ZNF518A: variants seen among roughly 807,000 people sequenced by gnomAD.
ZNF518A encodes the protein zinc finger protein 518A.
ZNF518A carries 47 observed loss-of-function variants against 102.7 expected under a neutral mutation model. The observed-to-expected ratio is 0.46, with a 90% CI of 0.36 to 0.58. The LOEUF is 0.58. Among genes scored for constraint, ZNF518A ranks in the 20% least tolerant of loss-of-function variants. The pLI, the probability that ZNF518A is intolerant of heterozygous loss-of-function variation, is 0.00. For missense variants in ZNF518A, 1,793 were observed against 1,699.8 expected (o/e 1.05, Z -0.96); for synonymous variants, 652 against 594.6 (o/e 1.10, Z -1.40).
At chr10:96,190,171 T>G in intron 1 of ZNF518A, 1 of 850,348 alleles carries the variant, frequency 1.2e-6, no homozygotes, top group Non-Finnish European at 2.0e-6. Context: ...ACTGAAAAGA[T>G]AGTTCTGGGC....
rs1022832852 is a variant in ZNF518A at position 96,188,388 on chromosome 10, C to A, written n.36-15186C>A. On this transcript the variant is annotated intron_variant and non_coding_transcript_variant, in intron 1 of 2. Coordinates refer to the ZNF518A transcript ENST00000442635. ...TCCACCACGCAGTACTGTATGTCAA[C>A]CAACTGAGGATTAGTATAATCTTAA... 3.9e-5 allele frequency among the ~76,000 whole-genome samples: 6 copies of A among 152,294 alleles called. No individual in the cohort carries two copies. The East Asian group carries it at 1.2e-3, about 29-fold the overall frequency.
chr10:96,152,037 CG>C (rs2082473622), intron 3 of ZNF518A, among the ~76,000 whole-genome samples: 1 of 152,214 alleles, frequency 6.6e-6, no homozygotes, highest in African/African-American at 2.4e-5. Flanking sequence ...CTGGGCTGGA[CG>C]TTGTGGCACA....
downstream of ZNF518A, among the ~76,000 whole-genome samples, chr10:96,168,019 T>C (rs1302469578): frequency 6.6e-6 from 1 of 152,256 alleles, no homozygotes; most frequent in Admixed American, 6.5e-5. Flanking sequence ...ATGCTGTTAT[T>C]GTCACAAACT....
intron 1 of ZNF518A, among the ~76,000 whole-genome samples, chr10:96,181,896 G>T (rs2083242442): frequency 6.6e-6 from 1 of 152,060 alleles, no homozygotes; most frequent in Non-Finnish European, 1.5e-5. Flanking sequence ...AGCTTGATGG[G>T]GATGGCATTG....
chr10:96,145,815 A>T (rs1189537701), intron 3 of ZNF518A, among the ~76,000 whole-genome samples: 2 of 152,250 alleles, frequency 1.3e-5, no homozygotes, highest in Non-Finnish European at 2.9e-5. Context: ...CCACTTTTTC[A>T]TAAAGTTTCA....
chr10:96,153,399 A>G (rs11597197), intron 3 of ZNF518A, among the ~76,000 whole-genome samples: 36,493 of 152,182 alleles, frequency 0.24, 5,644 homozygotes, highest in Middle Eastern at 0.36. Context: ...AATCCAGTCA[A>G]GTTGATACCT....
rs2082923706 is a variant in ZNF518A at position 96,159,999 on chromosome 10, A to G, written c.3677A>G (p.Asp1226Gly). Residue 1226 changes from aspartate (D) to glycine (G), a missense_variant, in exon 6 of 6, where the codon GAC becomes GGC. Physicochemically the swap from Asp to Gly is moderately conservative, Grantham distance 94 (BLOSUM62 -1). Coordinates refer to ENST00000316045, the MANE Select transcript of ZNF518A (RefSeq NM_001330736.2). The part of the protein sequence containing the change: ...ESSEEPICVS[D>G]CSESRVLRCK... Reference sequence around the variant, plus strand: ...TCTGAGGAACCAATATGTGTCAGTGACTGTTCAGAGTCCAGGGTATTAAGG... The same window carrying G: ...TCTGAGGAACCAATATGTGTCAGTGGCTGTTCAGAGTCCAGGGTATTAAGG... 1 of 1,613,536 alleles carries G rather than the reference A, an allele frequency of 6.2e-7. No homozygotes were observed. The highest frequency in any genetic ancestry group is 1.3e-5 in the African/African-American group (1 of 74,928).
In ZNF518A at chr10:96,159,147, T is replaced by A; in HGVS notation, c.2825T>A (p.Leu942Ter). The change falls in exon 6 of 6, where the codon TTG becomes TAG. Residue 942 changes from leucine (L) to a stop codon, truncating the protein, a stop_gained. Coordinates refer to ENST00000316045, the MANE Select transcript of ZNF518A (RefSeq NM_001330736.2). LOFTEE classifies it high-confidence loss of function. ...VQTSKGFLIP[L>*]NITNKPGLPV... Reference sequence around the variant, plus strand: ...ACTTCAAAAGGATTCTTAATACCATTGAACATTACTAACAAGCCTGGGCTA... The same window carrying A: ...ACTTCAAAAGGATTCTTAATACCATAGAACATTACTAACAAGCCTGGGCTA... The A allele has an allele frequency of 6.2e-7, 1 of 1,613,480 alleles. No homozygotes were observed. The highest frequency in any genetic ancestry group is 8.5e-7 in the Non-Finnish European group (1 of 1,179,680).
At chr10:96,196,822 C>A in intron 1 of ZNF518A, 1 of 1,338,804 alleles carries the variant, frequency 7.5e-7, no homozygotes. Context: ...TATCCTTTCT[C>A]CTCATCTCTA....
intron 3 of ZNF518A, among the ~76,000 whole-genome samples, chr10:96,154,391 C>G (rs1016818291): frequency 4.0e-5 from 6 of 151,732 alleles, no homozygotes; most frequent in African/African-American, 1.5e-4. Context: ...CCTTTCCTTC[C>G]TTCTTTCGTT....
chr10:96,149,520 A>G (rs868973465), intron 3 of ZNF518A, among the ~76,000 whole-genome samples: 1 of 152,150 alleles, frequency 6.6e-6, no homozygotes. Flanking sequence ...TTAGCATCCA[A>G]CTATAAGTCA....
At position 96,183,610 on chromosome 10, in the gene ZNF518A, G is replaced by A. The variant is rs182207150; in HGVS notation, n.36-19964G>A. Among the ~76,000 whole-genome samples, 275 of 152,314 alleles carry A rather than the reference G, an allele frequency of 1.8e-3. 1 individual carries two copies. The highest frequency in any genetic ancestry group is 2.8e-3 in the Admixed American group (43 of 15,306). On this transcript the variant is annotated intron_variant and non_coding_transcript_variant, in intron 1 of 2. Transcript: ENST00000442635. ...CAGGAGCAGGTTGTTCAGTTTCCAT[G>A]TAGTTGAGCGGTTTTGAGTGAGTTT... is the stretch of plus-strand genomic sequence containing the variant.
At chr10:96,143,451 T>C (rs1554877311) in intron 3 of ZNF518A, among the ~76,000 whole-genome samples, 2 of 152,220 alleles carry the variant, frequency 1.3e-5, no homozygotes. Flanking sequence ...TATTCTGTTC[T>C]TGTGGTTTAG....
In ZNF518A at chr10:96,203,838, T is replaced by TA. The variant is rs1217189542; in HGVS notation, n.91-75dup. The TA allele has an allele frequency of 9.0e-5, 37 of 413,120 alleles. No individual in the cohort carries two copies. The Admixed American group carries it at 1.1e-3, about 12-fold the overall frequency. 25.6% of individuals were successfully genotyped at this position (413,120 alleles called of 1,614,324 possible). A position where few individuals can be genotyped will look rare whatever the true frequency, so the allele number is the denominator to read the frequency against. On this transcript the variant is annotated intron_variant and non_coding_transcript_variant, in intron 2 of 2. Coordinates refer to the ZNF518A transcript ENST00000442635. ...GATCAGTAAAATATTAAATCGCTAC[T>TA]AAAAAAAGTAAAAATTGCCTCAAAT...
At chr10:96,165,466 C>G (rs1302879622), downstream of ZNF518A, among the ~76,000 whole-genome samples, 5 of 50,458 alleles carry the variant, frequency 9.9e-5, no homozygotes, top group East Asian at 9.1e-4. Context: ...AAAACAACAA[C>G]AACCAAAAAA....
Position 96,146,146 on chromosome 10 carries a change from ATG to A in ZNF518A, c.-301-9177_-301-9176del, listed in dbSNP as rs1279186969. ...ATGTTAGATATCATTGTGTTAATAA[ATG>A]TGAGTTTACAGTATTGGTTTTTAAA... is the stretch of plus-strand genomic sequence containing the variant. On this transcript the variant is annotated intron_variant, in intron 3 of 5. Coordinates refer to ENST00000316045, the MANE Select transcript of ZNF518A (RefSeq NM_001330736.2). 3.3e-5 allele frequency among the ~76,000 whole-genome samples: 5 copies of A among 152,322 alleles called. No homozygotes were observed. The East Asian group carries it at 9.6e-4, about 29-fold the overall frequency.
intron 1 of ZNF518A, among the ~76,000 whole-genome samples, chr10:96,196,295 C>T (rs1466684364): frequency 2.0e-5 from 3 of 152,156 alleles, no homozygotes; most frequent in African/African-American, 7.2e-5. Context: ...GTTACTCCAG[C>T]TCATATTTCA....
chr10:96,156,320 A>G lies in ZNF518A; in HGVS notation c.-3A>G. The G allele has an allele frequency of 2.6e-6, 4 of 1,554,546 alleles. No homozygotes were observed. The highest frequency in any genetic ancestry group is 3.5e-6 in the Non-Finnish European group (4 of 1,157,900). Reference sequence around the variant, plus strand: ...AAGAAATTGGGACTTTTTTGGTTAAATCATGCCATCTGAACAGAAACAGTT... The same window carrying G: ...AAGAAATTGGGACTTTTTTGGTTAAGTCATGCCATCTGAACAGAAACAGTT... On this transcript the variant is annotated 5_prime_UTR_variant, in exon 6 of 6. Coordinates refer to ENST00000316045, the MANE Select transcript of ZNF518A (RefSeq NM_001330736.2).
intron 1 of ZNF518A, among the ~76,000 whole-genome samples, chr10:96,172,902 T>C (rs1269346060): frequency 6.6e-6 from 1 of 152,142 alleles, no homozygotes; most frequent in Admixed American, 6.5e-5. Flanking sequence ...ATAAGATTCA[T>C]GTGCAGTAAA....
Sources: allele counts gnomAD v4.1 joint callset (sites outside exome capture counted in the v4.1 genomes callset), GRCh38; gene constraint gnomAD v4.1.1; transcripts MANE v1.5; gene names NCBI Gene and HGNC (gene_info 2026-07-23, HGNC 2026-07-21).